CALN1: variants seen among roughly 807,000 people sequenced by gnomAD.
CALN1 encodes calcium-binding protein 8.
Under a neutral mutation model 30.6 loss-of-function variants are expected in CALN1, and 17 were observed. That is an observed-to-expected ratio of 0.56 (90% CI 0.38 to 0.83). The LOEUF is 0.83. Among genes scored for constraint, CALN1 ranks in the 40% least tolerant of loss-of-function variants. CALN1 has a pLI of 0.00. For synonymous variants in CALN1, 156 were observed against 131.4 expected, an observed-to-expected ratio of 1.19 and a Z score of -1.28; for missense variants, 291 against 354.9, an observed-to-expected ratio of 0.82 and a Z score of 1.45.
At chr7:72,264,929 C>T (rs1324047782) in intron 3 of CALN1, among the ~76,000 whole-genome samples, 1 of 152,124 alleles carries the variant, frequency 6.6e-6, no homozygotes, top group Admixed American at 6.5e-5. Flanking sequence ...CAAGTGGGAA[C>T]ATGCAGTATT....
intron 2 of CALN1, among the ~76,000 whole-genome samples, chr7:72,363,631 A>C (rs745909900): frequency 1.4e-4 from 22 of 152,094 alleles, no homozygotes; most frequent in Non-Finnish European, 2.6e-4. Context: ...AAAATGTTGA[A>C]AGTGAAAGTA....
chr7:72,008,456 T>C (rs1275088296), intron 5 of CALN1, among the ~76,000 whole-genome samples: 1 of 146,958 alleles, frequency 6.8e-6, no homozygotes, highest in African/African-American at 2.6e-5. Flanking sequence ...TTTACACAAA[T>C]TATTATTATA....
intron 5 of CALN1, among the ~76,000 whole-genome samples, chr7:71,995,690 C>A (rs1799217345): frequency 6.6e-6 from 1 of 152,050 alleles, no homozygotes; most frequent in African/African-American, 2.4e-5. Flanking sequence ...AAGGGAGGTG[C>A]TTTCCTTCCC....
intron 2 of CALN1, among the ~76,000 whole-genome samples, chr7:72,386,652 T>C (rs1441725253): frequency 6.6e-6 from 1 of 152,128 alleles, no homozygotes; most frequent in East Asian, 1.9e-4. Context: ...TAGTGTTTTT[T>C]AGAGATGGGT....
intron 4 of CALN1, among the ~76,000 whole-genome samples, chr7:72,085,842 G>GA (rs987670725): frequency 1.3e-5 from 2 of 151,974 alleles, no homozygotes; most frequent in Admixed American, 6.6e-5. Flanking sequence ...AGAAAACAAA[G>GA]AAAAAATACA....
At chr7:72,263,238 G>A (rs1177342200) in intron 3 of CALN1, among the ~76,000 whole-genome samples, 1 of 152,036 alleles carries the variant, frequency 6.6e-6, no homozygotes, top group Non-Finnish European at 1.5e-5. Context: ...ACAATAATAG[G>A]AATAGTAATT....
chr7:72,399,092 T>C (rs1806168118), intron 2 of CALN1, among the ~76,000 whole-genome samples: 1 of 152,006 alleles, frequency 6.6e-6, no homozygotes, highest in Non-Finnish European at 1.5e-5. Context: ...GGTCACCTCC[T>C]CCAGATGCAT....
intron 4 of CALN1, among the ~76,000 whole-genome samples, chr7:72,091,174 C>CA (rs967246698): frequency 4.6e-5 from 7 of 151,816 alleles, no homozygotes; most frequent in African/African-American, 1.4e-4. Flanking sequence ...ACTAAAAATA[C>CA]AAAAAAAATT....
intron 4 of CALN1, among the ~76,000 whole-genome samples, chr7:72,036,853 ATT>A (rs58023130): frequency 7.0e-6 from 1 of 143,544 alleles, no homozygotes; most frequent in African/African-American, 2.5e-5. Flanking sequence ...ATGCTTTGTG[ATT>A]TTTTTTTTGC....
chr7:72,080,747 G>C (rs1180664161), intron 4 of CALN1, among the ~76,000 whole-genome samples: 2 of 152,176 alleles, frequency 1.3e-5, no homozygotes, highest in Admixed American at 1.3e-4. Context: ...TGATAGGTCA[G>C]AGAACTGGGC....
At chr7:72,046,633 C>T (rs973349004) in intron 4 of CALN1, among the ~76,000 whole-genome samples, 2 of 149,438 alleles carry the variant, frequency 1.3e-5, no homozygotes, top group African/African-American at 4.9e-5. Flanking sequence ...TCACTTGAAC[C>T]CAGGAGGCAG....
chr7:72,362,472 T>C (rs759732451), intron 2 of CALN1, among the ~76,000 whole-genome samples: 15 of 152,184 alleles, frequency 9.9e-5, no homozygotes, highest in African/African-American at 1.4e-4. Context: ...GGTGATCTTC[T>C]CAAAGCCTCA....
chr7:72,352,842 T>A lies in CALN1; in HGVS notation c.119+50409A>T, dbSNP rs567668567. Among the ~76,000 whole-genome samples the A allele has an allele frequency of 5.3e-5, 8 of 152,002 alleles. No homozygotes were observed. The East Asian group carries it at 1.5e-3, about 29-fold the overall frequency. On this transcript the variant is annotated intron_variant, in intron 2 of 6. Transcript: ENST00000395275. ...AAAAATGAAATAAAACATCATAAAA[T>A]TAATAAACCTGTAGCTAACTAGATT... is the stretch of plus-strand genomic sequence containing the variant.
intron 2 of CALN1, among the ~76,000 whole-genome samples, chr7:72,301,625 A>AAG (rs1799267592): frequency 6.6e-6 from 1 of 150,960 alleles, no homozygotes; most frequent in Admixed American, 6.6e-5. Flanking sequence ...AAAAAAAAAA[A>AAG]AAAAGCAAGC....
intron 3 of CALN1, among the ~76,000 whole-genome samples, chr7:72,173,625 G>C (rs1309849758): frequency 6.6e-6 from 1 of 152,138 alleles, no homozygotes; most frequent in African/African-American, 2.4e-5. Context: ...TCAAGAAATA[G>C]AGATACATAT....
At chr7:71,999,840 A>C (rs1799439171) in intron 5 of CALN1, among the ~76,000 whole-genome samples, 1 of 152,122 alleles carries the variant, frequency 6.6e-6, no homozygotes, top group African/African-American at 2.4e-5. Flanking sequence ...ATGACTACGG[A>C]ACATTCACCA....
At position 72,255,086 on chromosome 7, in the gene CALN1, C is replaced by T. The variant is rs565934393; in HGVS notation, c.244+23600G>A. 7.6e-4 allele frequency among the ~76,000 whole-genome samples: 96 copies of T among 126,850 alleles called. 1 individual carries two copies. Among genetic ancestry groups the T allele is most frequent in the Non-Finnish European group, 1.1e-3 (61 of 53,900 alleles). The allele number at this position is 126,850 out of a possible 152,430, so 83.2% of individuals were successfully genotyped here. On this transcript the variant is annotated intron_variant, in intron 3 of 6. Coordinates refer to ENST00000395275, the MANE Select transcript of CALN1 (RefSeq NM_031468.4). ...AATTACAGGCATGAGCCACCATGCC[C>T]GGCCTTTCTTTTCTTTTGAGACGGA...
intron 3 of CALN1, among the ~76,000 whole-genome samples, chr7:72,253,236 A>G (rs1412374417): frequency 6.6e-6 from 1 of 152,212 alleles, no homozygotes; most frequent in Non-Finnish European, 1.5e-5. Context: ...ACTAATGCAA[A>G]TTTTTGATCA....
intron 2 of CALN1, among the ~76,000 whole-genome samples, chr7:72,303,830 T>G (rs1799462366): frequency 6.6e-6 from 1 of 152,040 alleles, no homozygotes. Context: ...GCTCTGATCA[T>G]GCCACTGTAC....
Sources: allele counts gnomAD v4.1 joint callset (sites outside exome capture counted in the v4.1 genomes callset), GRCh38; gene constraint gnomAD v4.1.1; transcripts MANE v1.5; gene names NCBI Gene and HGNC (gene_info 2026-07-23, HGNC 2026-07-21).